CPLANE1: variants seen among roughly 807,000 people sequenced by gnomAD.
The protein encoded by CPLANE1 is ciliogenesis and planar polarity effector complex subunit 1.
Under a neutral mutation model 362.5 loss-of-function variants are expected in CPLANE1, and 263 were observed. That is an observed-to-expected ratio of 0.73 (90% CI 0.66 to 0.80). The LOEUF (loss-of-function observed/expected upper bound fraction) is 0.80. Among genes scored for constraint, CPLANE1 ranks in the 30% least tolerant of loss-of-function variants. The probability of loss-of-function intolerance (pLI) is 0.00; values close to 1 mark genes in which losing one functional copy is unlikely to be tolerated. For synonymous variants in CPLANE1, 1,212 were observed against 1,302.6 expected, an observed-to-expected ratio of 0.93 and a Z score of 1.50; for missense variants, 3,461 against 3,793.4, an observed-to-expected ratio of 0.91 and a Z score of 2.30.
intron 41 of CPLANE1, among the ~76,000 whole-genome samples, chr5:37,155,190 T>C (rs1774721889): frequency 2.0e-5 from 3 of 152,164 alleles, no homozygotes; most frequent in Admixed American, 1.3e-4. Flanking sequence ...CATGTTCCTT[T>C]TCTGTCCAAA....
downstream of CPLANE1, among the ~76,000 whole-genome samples, chr5:37,105,504 C>T (rs301906): frequency 0.5 from 76,175 of 151,982 alleles, 21,831 homozygotes; most frequent in African/African-American, 0.81. Context: ...GTATAAATCA[C>T]ATATAAAAAC....
At chr5:37,210,404 G>A in intron 16 of CPLANE1, 5 of 999,616 alleles carry the variant, frequency 5.0e-6, no homozygotes, top group South Asian at 4.0e-5. Flanking sequence ...AAAAACTCAA[G>A]AATGAACTCC....
intron 32 of CPLANE1, among the ~76,000 whole-genome samples, chr5:37,172,423 T>C (rs1303584081): frequency 5.9e-5 from 9 of 152,300 alleles, no homozygotes; most frequent in South Asian, 2.1e-4. Flanking sequence ...CTTTTGAAGA[T>C]AGTGATTCTT....
chr5:37,164,461 C>T, intron 36 of CPLANE1, 134 bp from the exon 37 acceptor site: 1 of 620,712 alleles, frequency 1.6e-6, no homozygotes, highest in East Asian at 2.8e-5. Flanking sequence ...CATAAGTATT[C>T]TATCAAATTA....
At chr5:37,123,595 C>G (rs1045798033) in intron 47 of CPLANE1, among the ~76,000 whole-genome samples, 1 of 152,204 alleles carries the variant, frequency 6.6e-6, no homozygotes, top group Admixed American at 6.5e-5. Flanking sequence ...GGCAGGAGTG[C>G]AGGGGCATGA....
chr5:37,238,497 T>TC (rs1799549266), intron 8 of CPLANE1, among the ~76,000 whole-genome samples: 1 of 139,740 alleles, frequency 7.2e-6, no homozygotes, highest in Non-Finnish European at 1.6e-5. Context: ...CTTTTTTTTT[T>TC]TTTTTTTTTT....
At chr5:37,205,221 G>T in intron 18 of CPLANE1, 94 bp downstream of exon 18, 1 of 739,124 alleles carries the variant, frequency 1.4e-6, no homozygotes, top group Non-Finnish European at 2.0e-6. Flanking sequence ...TTATTTCAAA[G>T]TGTTAATACA....
intron 15 of CPLANE1, among the ~76,000 whole-genome samples, chr5:37,218,326 C>T (rs953796045): frequency 1.3e-5 from 2 of 152,158 alleles, no homozygotes; most frequent in Admixed American, 6.5e-5. Context: ...ACCCTGAGCA[C>T]TGAGGTTCTA....
intron 51 of CPLANE1, among the ~76,000 whole-genome samples, chr5:37,111,000 G>A (rs909014506): frequency 1.4e-4 from 21 of 151,314 alleles, no homozygotes; most frequent in East Asian, 1.2e-3. Flanking sequence ...GTAGAGATGG[G>A]GTTTCACCGT....
intron 15 of CPLANE1, among the ~76,000 whole-genome samples, chr5:37,216,500 G>T (rs1794125074): frequency 6.6e-6 from 1 of 152,220 alleles, no homozygotes. Context: ...AGTGAGCTGT[G>T]ATCACGCCAC....
intron 12 of CPLANE1, 71 bp from the exon 13 acceptor site, chr5:37,224,811 CTA>C: frequency 9.5e-7 from 1 of 1,056,514 alleles, no homozygotes; most frequent in South Asian, 1.6e-5. Flanking sequence ...CCTTTTTAGC[CTA>C]TTTTTTTTTT....
chr5:37,114,671 G>A (rs1281073105), intron 51 of CPLANE1, among the ~76,000 whole-genome samples: 1 of 152,102 alleles, frequency 6.6e-6, no homozygotes, highest in African/African-American at 2.4e-5. Context: ...AGGCTAAGAT[G>A]GGCGGATCAC....
chr5:37,234,664 G>A (rs1402099531), intron 8 of CPLANE1, among the ~76,000 whole-genome samples: 2 of 152,108 alleles, frequency 1.3e-5, no homozygotes, highest in Non-Finnish European at 2.9e-5. Flanking sequence ...AGTCTAGCAA[G>A]AGAGTTAGAC....
Position 37,247,639 on chromosome 5 carries a change from T to C in CPLANE1, c.60A>G (p.Pro20=). 2 of 1,551,246 alleles carry C rather than the reference T, an allele frequency of 1.3e-6. No individual in the cohort carries two copies. The highest frequency in any genetic ancestry group is 1.7e-6 in the Non-Finnish European group (2 of 1,146,506). The stretch of plus-strand genomic sequence containing the variant: ...CTACCTTTCCCAACCAGGAGACACG[T>C]GGCCATGGTTTTTTCTGCTTAATAC... The part of the protein sequence containing the change: ...STGIKQKKPW[P]RVSWLGKEKE... Residue 20 remains proline (P), a synonymous_variant, in exon 2 of 53, where the codon CCA becomes CCG. Transcript: ENST00000651892.
intron 8 of CPLANE1, among the ~76,000 whole-genome samples, chr5:37,232,053 T>C (rs1236818585): frequency 6.6e-6 from 1 of 152,104 alleles, no homozygotes; most frequent in East Asian, 1.9e-4. Context: ...TGAAAATGCA[T>C]AGAACAGCAT....
intron 40 of CPLANE1, 27 bp from the exon 41 acceptor site, chr5:37,157,447 G>A: frequency 1.4e-6 from 2 of 1,471,322 alleles, no homozygotes; most frequent in Non-Finnish European, 1.8e-6. Flanking sequence ...TAAATCCATA[G>A]AGGAATTGGC....
intron 46 of CPLANE1, among the ~76,000 whole-genome samples, chr5:37,126,160 G>A (rs1182897406): frequency 6.6e-6 from 1 of 152,204 alleles, no homozygotes; most frequent in Admixed American, 6.5e-5. Context: ...GATCACTTGA[G>A]CCTGGGAGGT....
intron 51 of CPLANE1, among the ~76,000 whole-genome samples, chr5:37,110,804 T>C (rs1465271833): frequency 2.8e-5 from 3 of 108,172 alleles, no homozygotes; most frequent in African/African-American, 1.2e-4. Flanking sequence ...ATGTATTAAC[T>C]TTTTTTTTTT....
At chr5:37,163,192 G>A (rs1179664135) in intron 37 of CPLANE1, among the ~76,000 whole-genome samples, 1 of 152,200 alleles carries the variant, frequency 6.6e-6, no homozygotes. Context: ...TGGAAAATAG[G>A]TTTGAGTGGA....
Sources: gnomAD v4.1 joint callset for allele counts (sites outside exome capture counted in the v4.1 genomes callset) on GRCh38, gnomAD v4.1.1 for gene constraint, MANE v1.5 for transcripts, NCBI Gene and HGNC (gene_info 2026-07-23, HGNC 2026-07-21) for gene names.